BABAM2: variants seen among roughly 807,000 people sequenced by gnomAD.
BABAM2 encodes BRISC and BRCA1 A complex member 2, also known as BRISC and BRCA1-A complex member 2.
A neutral mutation model predicts 54.7 loss-of-function variants in BABAM2; 31 were observed. The observed-to-expected ratio is 0.57, with a 90% confidence interval of 0.43 to 0.77. BABAM2 has a LOEUF of 0.77. Among genes scored for constraint, BABAM2 ranks in the 30% least tolerant of loss-of-function variants. BABAM2 has a pLI of 0.00. For synonymous variants in BABAM2, 167 were observed against 162.9 expected (o/e 1.03, Z -0.19); for missense variants, 364 against 455.8 (o/e 0.80, Z 1.83).
At chr2:28,114,792 C>T (rs1028131149) in intron 6 of BABAM2, among the ~76,000 whole-genome samples, 5 of 152,172 alleles carry the variant, frequency 3.3e-5, no homozygotes, top group Admixed American at 6.5e-5. Context: ...AATTTTCCTC[C>T]TATTCCAAGG....
intron 2 of BABAM2, among the ~76,000 whole-genome samples, chr2:27,912,792 G>C (rs188569177): frequency 6.6e-6 from 1 of 152,276 alleles, no homozygotes; most frequent in East Asian, 1.9e-4. Flanking sequence ...GAATATGTTG[G>C]AGCTACATCT....
chr2:27,903,467 G>A (rs995271377), intron 2 of BABAM2, among the ~76,000 whole-genome samples: 1 of 152,200 alleles, frequency 6.6e-6, no homozygotes, highest in African/African-American at 2.4e-5. Flanking sequence ...AAAGAGAAAT[G>A]AAGAGAGATT....
At chr2:28,181,484 C>T (rs981080853) in intron 7 of BABAM2, among the ~76,000 whole-genome samples, 4 of 151,956 alleles carry the variant, frequency 2.6e-5, no homozygotes, top group Non-Finnish European at 5.9e-5. Context: ...GGAATAAATT[C>T]TAATATTTGA....
At position 28,098,143 on chromosome 2, in the gene BABAM2, T is replaced by C. The variant is rs140676730; in HGVS notation, c.571-31128T>C. Among the ~76,000 whole-genome samples, 1,043 of 152,330 alleles carry C rather than the reference T, an allele frequency of 6.8e-3. 8 individuals carry two copies. The highest frequency in any genetic ancestry group is 0.014 in the Middle Eastern group (4 of 294). ...TAAATCTACATAATAATTTAGGGAA[T>C]GTTGTCATCTTTACTATATTTAGTT... On this transcript the variant is annotated intron_variant, in intron 6 of 11. Coordinates refer to ENST00000379624, the MANE Select transcript of BABAM2 (RefSeq NM_199191.3).
At position 28,006,193 on chromosome 2, in the gene BABAM2, G is replaced by T. The variant is rs944720143; in HGVS notation, c.300+18106G>T. Among the ~76,000 whole-genome samples the T allele has an allele frequency of 4.0e-5, 6 of 151,832 alleles. No homozygotes were observed. The South Asian group carries it at 1.2e-3, about 32-fold the overall frequency. On this transcript the variant is annotated intron_variant, in intron 4 of 11. Coordinates refer to ENST00000379624, the MANE Select transcript of BABAM2 (RefSeq NM_199191.3). The stretch of plus-strand genomic sequence containing the variant: ...TAGATTTTGCTGATTGTATCTCTGT[G>T]GTATAGTTTAACATGTTCCTTTCTT...
At chr2:28,016,266 G>C in intron 4 of BABAM2, 1 of 911,366 alleles carries the variant, frequency 1.1e-6, no homozygotes, top group African/African-American at 1.6e-5. Flanking sequence ...TGTTTTTCTA[G>C]TTCTTTCTTC....
At chr2:28,073,331 CA>C (rs1175376245) in intron 6 of BABAM2, among the ~76,000 whole-genome samples, 1 of 151,690 alleles carries the variant, frequency 6.6e-6, no homozygotes, top group Non-Finnish European at 1.5e-5. Context: ...CTTGTCTTTA[CA>C]AAAAAAATTA....
intron 3 of BABAM2, among the ~76,000 whole-genome samples, chr2:27,961,342 C>T (rs1307291410): frequency 6.6e-6 from 1 of 152,186 alleles, no homozygotes; most frequent in Non-Finnish European, 1.5e-5. Context: ...TCAGTAGAAA[C>T]TATGCTTTGA....
intron 7 of BABAM2, among the ~76,000 whole-genome samples, chr2:28,206,734 T>C (rs1678887536): frequency 6.6e-6 from 1 of 152,222 alleles, no homozygotes; most frequent in Admixed American, 6.5e-5. Context: ...TGCAGCAGCC[T>C]TGATTAAATG....
intron 2 of BABAM2, among the ~76,000 whole-genome samples, chr2:27,927,380 A>G (rs987302701): frequency 2.5e-4 from 38 of 152,208 alleles, no homozygotes; most frequent in African/African-American, 9.2e-4. Flanking sequence ...CCAAGCCCCA[A>G]AAAGATCCTT....
At chr2:28,066,197 TAAAA>T (rs919215692) in intron 6 of BABAM2, among the ~76,000 whole-genome samples, 82 of 150,236 alleles carry the variant, frequency 5.5e-4, no homozygotes, top group African/African-American at 1.9e-3. Context: ...AATAAAAAAA[TAAAA>T]AAAACAGCCA....
chr2:28,194,884 C>G (rs764250753), intron 7 of BABAM2, among the ~76,000 whole-genome samples: 1 of 152,048 alleles, frequency 6.6e-6, no homozygotes, highest in Non-Finnish European at 1.5e-5. Flanking sequence ...TTAATAGAAA[C>G]AGGGTTTTGC....
At chr2:28,219,369 G>T (rs1680191609) in intron 7 of BABAM2, among the ~76,000 whole-genome samples, 1 of 152,154 alleles carries the variant, frequency 6.6e-6, no homozygotes, top group Non-Finnish European at 1.5e-5. Context: ...CTCTTCTTCT[G>T]TCATCATATT....
chr2:28,060,525 T>C (rs1045959945), intron 6 of BABAM2, among the ~76,000 whole-genome samples: 3 of 152,178 alleles, frequency 2.0e-5, no homozygotes, highest in Non-Finnish European at 2.9e-5. Context: ...GAATAACATT[T>C]AGAGTAGAAA....
chr2:28,026,906 A>G (rs7570611), intron 5 of BABAM2, among the ~76,000 whole-genome samples: 1 of 27,734 alleles, frequency 3.6e-5, no homozygotes. Context: ...AAATATATAT[A>G]AATATATATT....
At chr2:28,337,208 C>T (rs1055789423) in intron 11 of BABAM2, among the ~76,000 whole-genome samples, 17 of 152,070 alleles carry the variant, frequency 1.1e-4, no homozygotes, top group Non-Finnish European at 8.8e-5. Flanking sequence ...ACCAGGAGCA[C>T]GGGTGCCCAC....
chr2:28,148,807 C>A (rs1346132103), intron 7 of BABAM2, among the ~76,000 whole-genome samples: 1 of 152,214 alleles, frequency 6.6e-6, no homozygotes, highest in Admixed American at 6.5e-5. Context: ...AAACCCAGTC[C>A]ACATCCCAGA....
At chr2:28,265,149 C>G (rs1403121528) in intron 10 of BABAM2, among the ~76,000 whole-genome samples, 1 of 152,062 alleles carries the variant, frequency 6.6e-6, no homozygotes, top group African/African-American at 2.4e-5. Flanking sequence ...ATATAAGACA[C>G]AATTAGGCCG....
At chr2:28,307,068 G>A (rs1269245627) in intron 11 of BABAM2, among the ~76,000 whole-genome samples, 1 of 130,552 alleles carries the variant, frequency 7.7e-6, no homozygotes, top group African/African-American at 2.9e-5. Flanking sequence ...GTGCAGTGGC[G>A]TGATCTCGGC....
Sources: allele counts gnomAD v4.1 joint callset (sites outside exome capture counted in the v4.1 genomes callset), GRCh38; gene constraint gnomAD v4.1.1; transcripts MANE v1.5; gene names NCBI Gene and HGNC (gene_info 2026-07-23, HGNC 2026-07-21).